ARID1A: variants seen among roughly 807,000 people sequenced by gnomAD.
The protein encoded by ARID1A is AT-rich interaction domain 1A.
A neutral mutation model predicts 212.6 loss-of-function variants in ARID1A; 20 were observed. The observed-to-expected ratio is 0.09, with a 90% CI of 0.07 to 0.14. The LOEUF (loss-of-function observed/expected upper bound fraction) is 0.14. Among genes scored for constraint, ARID1A ranks in the 10% least tolerant of loss-of-function variants. The pLI, the probability that ARID1A is intolerant of heterozygous loss-of-function variation, is 1.00. For missense variants in ARID1A, 2,587 were observed against 3,059.0 expected, an observed-to-expected ratio of 0.85 and a Z score of 3.64; for synonymous variants, 1,376 against 1,222.1, an observed-to-expected ratio of 1.13 and a Z score of -2.63.
rs974376256 is a variant in ARID1A at position 26,770,988 on chromosome 1, T to C, written c.3199-131T>C. On this transcript the variant is annotated intron_variant, in intron 11 of 19. Coordinates refer to ENST00000324856, the MANE Select transcript of ARID1A (RefSeq NM_006015.6). ...TTGTGGACTATCCACCAAGCAAGAT[T>C]AACTTTTTCAATTACCTAAGAACTG... 1.3e-5 allele frequency: 10 copies of C among 792,056 alleles called. No homozygotes were observed. In the East Asian group the frequency reaches 2.7e-4, roughly 21 times the overall value. 49.1% of individuals were successfully genotyped at this position (792,056 alleles called of 1,614,324 possible).
chr1:26,697,000 G>A lies in ARID1A; in HGVS notation c.597G>A (p.Gln199=), dbSNP rs1279765167. The stretch of plus-strand genomic sequence containing the variant: ...GCCTGGAGCCCTACGCGGGGCCCCA[G>A]CAGAACTCTCACGACCACGGCTTCC... ...GGGLEPYAGP[Q]QNSHDHGFPN... Residue 199 remains glutamine, a synonymous_variant, in exon 1 of 20, where the codon CAG becomes CAA. Coordinates refer to ENST00000324856, the MANE Select transcript of ARID1A (RefSeq NM_006015.6). 2.6e-6 allele frequency: 4 copies of A among 1,528,306 alleles called. No individual in the cohort carries two copies. 94.7% of individuals were successfully genotyped at this position (1,528,306 alleles called of 1,614,324 possible).
intron 1 of ARID1A, among the ~76,000 whole-genome samples, chr1:26,720,725 A>G (rs566594531): frequency 1.3e-5 from 2 of 152,124 alleles, no homozygotes; most frequent in African/African-American, 2.4e-5. Flanking sequence ...AAAACTGGCT[A>G]TGATGGCATG....
chr1:26,699,752 C>T (rs1035648856), intron 1 of ARID1A, among the ~76,000 whole-genome samples: 2 of 152,096 alleles, frequency 1.3e-5, no homozygotes, highest in East Asian at 1.9e-4. Flanking sequence ...TTCTTGAAAA[C>T]TATTAGAATA....
intron 1 of ARID1A, among the ~76,000 whole-genome samples, chr1:26,708,439 C>G (rs2080416641): frequency 6.6e-6 from 1 of 150,986 alleles, no homozygotes; most frequent in African/African-American, 2.4e-5. Context: ...TGCCCACCAC[C>G]ACGCCCAGGT....
intron 1 of ARID1A, among the ~76,000 whole-genome samples, chr1:26,719,638 T>C (rs1557585305): frequency 6.6e-6 from 1 of 151,862 alleles, no homozygotes; most frequent in African/African-American, 2.4e-5. Flanking sequence ...TTTTTTTTTC[T>C]TTTTAAAAAG....
chr1:26,724,581 T>C (rs17162290), intron 1 of ARID1A, among the ~76,000 whole-genome samples: 1,688 of 152,316 alleles, frequency 0.011, 24 homozygotes, highest in African/African-American at 0.037. Context: ...GCAGCTATTT[T>C]AATCTGTGAG....
At position 26,696,251 on chromosome 1, in the gene ARID1A, G is replaced by A; in HGVS notation, c.-153G>A. ...GCCTGAGCCGGCGGGGCGGGGGGGA[G>A]AGGAGCGAGCGCAGCGCAGCAGCGG... is the stretch of plus-strand genomic sequence containing the variant. On this transcript the variant is annotated 5_prime_UTR_variant, in exon 1 of 20. Transcript: ENST00000324856. 1 of 977,838 alleles carries A rather than the reference G, an allele frequency of 1.0e-6. No homozygotes were observed. Among genetic ancestry groups the A allele is most frequent in the South Asian group, 5.1e-5 (1 of 19,794 alleles). The allele number at this position is 977,838 out of a possible 1,614,324, so 60.6% of individuals were successfully genotyped here.
intron 4 of ARID1A, among the ~76,000 whole-genome samples, chr1:26,754,403 G>A (rs1218323685): frequency 6.6e-6 from 1 of 152,052 alleles, no homozygotes; most frequent in East Asian, 1.9e-4. Flanking sequence ...GGGACTGGTG[G>A]GTATGTCTTA....
intron 13 of ARID1A, 75 bp downstream of exon 13, chr1:26,772,707 G>C (rs2081094689): frequency 1.9e-6 from 3 of 1,610,170 alleles, no homozygotes; most frequent in Non-Finnish European, 1.7e-6. Flanking sequence ...TGCAGCCCAA[G>C]GTGGTCCTTG....
intron 1 of ARID1A, among the ~76,000 whole-genome samples, chr1:26,723,995 A>G (rs2080592379): frequency 6.6e-6 from 1 of 152,162 alleles, no homozygotes; most frequent in Non-Finnish European, 1.5e-5. Flanking sequence ...GACTTCCTTA[A>G]CTACCGCTCT....
intron 6 of ARID1A, among the ~76,000 whole-genome samples, chr1:26,761,900 T>A (rs1488199108): frequency 6.6e-6 from 1 of 152,162 alleles, no homozygotes; most frequent in Non-Finnish European, 1.5e-5. Context: ...AAGTCATTCA[T>A]TTTGGTTTTT....
intron 1 of ARID1A, among the ~76,000 whole-genome samples, chr1:26,706,263 A>G (rs2080391266): frequency 6.6e-6 from 1 of 152,170 alleles, no homozygotes; most frequent in Non-Finnish European, 1.5e-5. Context: ...TGGCAGATTC[A>G]TGATTTTCCA....
rs142853075 is a variant in ARID1A, at chr1:26,725,081, C to G, written c.1138-4570C>G. On this transcript the variant is annotated intron_variant, in intron 1 of 19. Coordinates refer to ENST00000324856, the MANE Select transcript of ARID1A (RefSeq NM_006015.6). ...CAGCATTTTCCTCTCAATTATGTGT[C>G]TCTGTGGCAGAGCCTTTGCTTTTGA... Among the ~76,000 whole-genome samples, 5 of 152,186 alleles carry G rather than the reference C, an allele frequency of 3.3e-5. No individual in the cohort carries two copies. In the East Asian group the frequency reaches 9.6e-4, roughly 29 times the overall value.
chr1:26,752,958 C>T (rs577463156), intron 4 of ARID1A: 2 of 152,302 alleles, frequency 1.3e-5, no homozygotes, highest in South Asian at 4.1e-4. Flanking sequence ...ATCTGGGATT[C>T]CCCAAGGATT....
chr1:26,702,140 C>A (rs773463255), intron 1 of ARID1A, among the ~76,000 whole-genome samples: 21 of 152,134 alleles, frequency 1.4e-4, no homozygotes, highest in Non-Finnish European at 2.1e-4. Context: ...TGGTTGTAAT[C>A]TGAGTGCCTG....
Position 26,781,757 on chromosome 1 carries a change from C to T in ARID1A, c.*1001C>T, listed in dbSNP as rs1249887927. 7 of 233,600 alleles carry T rather than the reference C, an allele frequency of 3.0e-5. No homozygotes were observed. The highest frequency in any genetic ancestry group is 1.2e-3 in the Middle Eastern group (1 of 808). The allele number at this position is 233,600 out of a possible 1,614,324, so 14.5% of individuals were successfully genotyped here. A position where few individuals can be genotyped will look rare whatever the true frequency, so the allele number is the denominator to read the frequency against. On this transcript the variant is annotated 3_prime_UTR_variant, in exon 20 of 20. Transcript: ENST00000324856. Reference sequence around the variant, plus strand: ...AGCTATTTAATCTCTTGCCAGATATCGCCCCTCTTGGTGCGATGCTGTACA... The same window carrying T: ...AGCTATTTAATCTCTTGCCAGATATTGCCCCTCTTGGTGCGATGCTGTACA...
intron 1 of ARID1A, among the ~76,000 whole-genome samples, chr1:26,715,114 A>T (rs1432631123): frequency 6.6e-6 from 1 of 152,234 alleles, no homozygotes; most frequent in Non-Finnish European, 1.5e-5. Flanking sequence ...AAAGAATGGG[A>T]GAAGTTAGAG....
chr1:26,713,228 C>A (rs1242255873), intron 1 of ARID1A, among the ~76,000 whole-genome samples: 2 of 151,876 alleles, frequency 1.3e-5, no homozygotes, highest in Non-Finnish European at 2.9e-5. Context: ...TTCATTTTCT[C>A]CTTTGATGTC....
chr1:26,711,402 C>G (rs901766725), intron 1 of ARID1A, among the ~76,000 whole-genome samples: 1 of 152,102 alleles, frequency 6.6e-6, no homozygotes, highest in Non-Finnish European at 1.5e-5. Context: ...GGATTACAGA[C>G]GTGAGCCAGC....
Sources: gnomAD v4.1 joint callset for allele counts (sites outside exome capture counted in the v4.1 genomes callset) on GRCh38, gnomAD v4.1.1 for gene constraint, MANE v1.5 for transcripts, NCBI Gene and HGNC (gene_info 2026-07-23, HGNC 2026-07-21) for gene names.